RASEF: variants seen among roughly 807,000 people sequenced by gnomAD.
The protein encoded by RASEF is RAS and EF-hand domain containing, also known as ras and EF-hand domain-containing protein.
RASEF carries 68 observed loss-of-function variants against 90.1 expected under a neutral mutation model. That is an observed-to-expected ratio of 0.75 (90% confidence interval 0.62 to 0.92). RASEF has a LOEUF of 0.92. RASEF is among the 40% of genes least tolerant of loss of function. The pLI is 0.00. For missense variants in RASEF, 949 were observed against 937.2 expected (o/e 1.01, Z -0.16); for synonymous variants, 331 against 345.2 (o/e 0.96, Z 0.46).
intron 1 of RASEF, chr9:83,055,784 G>A: frequency 1.6e-6 from 1 of 642,316 alleles, no homozygotes; most frequent in South Asian, 1.8e-5. Flanking sequence ...AAGAATATTT[G>A]GTCTCCTAAA....
At chr9:83,149,956 T>G in the RASEF span, among the ~76,000 whole-genome samples, 12 of 152,172 alleles carry the variant, frequency 7.9e-5, no homozygotes, top group Non-Finnish European at 1.8e-4. Context: ...GTTTAAGGGC[T>G]ATCCCACAAG....
the RASEF span, among the ~76,000 whole-genome samples, chr9:83,206,513 T>C: frequency 6.6e-6 from 1 of 152,246 alleles, no homozygotes; most frequent in South Asian, 2.1e-4. Context: ...CTGTAGCTTT[T>C]ACCTTTCAGA....
At chr9:83,021,850 G>A (rs1371125895) in intron 3 of RASEF, among the ~76,000 whole-genome samples, 1 of 152,118 alleles carries the variant, frequency 6.6e-6, no homozygotes, top group African/African-American at 2.4e-5. Flanking sequence ...CAATCCCCTT[G>A]GGTACCAAGT....
the RASEF span, among the ~76,000 whole-genome samples, chr9:83,075,770 G>A: frequency 2.0e-5 from 3 of 151,926 alleles, no homozygotes; most frequent in Non-Finnish European, 4.4e-5. Flanking sequence ...ATAACATGAA[G>A]AGATGTTAAA....
chr9:83,206,457 G>A, the RASEF span, among the ~76,000 whole-genome samples: 2 of 152,180 alleles, frequency 1.3e-5, no homozygotes, highest in Non-Finnish European at 2.9e-5. Context: ...CATGCTCATG[G>A]AAAATGCCAG....
At chr9:83,146,803 A>G in the RASEF span, among the ~76,000 whole-genome samples, 1 of 152,116 alleles carries the variant, frequency 6.6e-6, no homozygotes, top group African/African-American at 2.4e-5. Flanking sequence ...CTGAAACCTC[A>G]GGAACAAAAT....
chr9:83,059,027 C>G (rs1029093657), intron 1 of RASEF, among the ~76,000 whole-genome samples: 1 of 152,118 alleles, frequency 6.6e-6, no homozygotes, highest in Non-Finnish European at 1.5e-5. Flanking sequence ...CCTTTGGATA[C>G]TTTTGGGATA....
the RASEF span, among the ~76,000 whole-genome samples, chr9:83,072,880 T>G: frequency 6.6e-6 from 1 of 152,222 alleles, no homozygotes; most frequent in Non-Finnish European, 1.5e-5. Flanking sequence ...CTTTGCATCC[T>G]TCAATCAAGT....
intron 1 of RASEF, among the ~76,000 whole-genome samples, chr9:83,040,127 C>A (rs537969580): frequency 6.6e-6 from 1 of 152,292 alleles, no homozygotes; most frequent in South Asian, 2.1e-4. Context: ...CCTCGCCTCC[C>A]AGCCATGTGG....
the RASEF span, among the ~76,000 whole-genome samples, chr9:83,140,282 G>A: frequency 2.6e-5 from 4 of 152,242 alleles, no homozygotes; most frequent in South Asian, 8.3e-4. Context: ...ATACAGGTGG[G>A]GACAGAAACA....
the RASEF span, among the ~76,000 whole-genome samples, chr9:83,095,964 C>T: frequency 2.6e-5 from 4 of 152,270 alleles, no homozygotes; most frequent in African/African-American, 9.6e-5. Context: ...TCCATGCCAG[C>T]ACATGGATTC....
chr9:83,009,795 T>A, intron 5 of RASEF, 39 bp from the exon 6 acceptor site: 3 of 1,294,434 alleles, frequency 2.3e-6, no homozygotes, highest in Non-Finnish European at 3.4e-6. Context: ...AGATTCAGAT[T>A]TTCCTCTGCC....
chr9:83,070,485 C>T, the RASEF span, among the ~76,000 whole-genome samples: 1 of 152,066 alleles, frequency 6.6e-6, no homozygotes, highest in African/African-American at 2.4e-5. Context: ...GACTTTTCAT[C>T]TATTCTTTCA....
At chr9:83,096,901 C>T in the RASEF span, among the ~76,000 whole-genome samples, 8 of 151,368 alleles carry the variant, frequency 5.3e-5, no homozygotes, top group African/African-American at 1.2e-4. Context: ...TTTGTCCTTG[C>T]GATAGTTTGC....
chr9:83,198,496 A>G, the RASEF span, among the ~76,000 whole-genome samples: 3 of 152,220 alleles, frequency 2.0e-5, no homozygotes, highest in East Asian at 5.8e-4. Context: ...TGGATGGCAG[A>G]CCCCAGGGAG....
chr9:83,214,199 A>T, the RASEF span, among the ~76,000 whole-genome samples: 2 of 152,162 alleles, frequency 1.3e-5, no homozygotes, highest in Admixed American at 6.5e-5. Context: ...CAGCCTGGCC[A>T]ACGGGGAAAC....
intron 2 of RASEF, among the ~76,000 whole-genome samples, chr9:83,022,859 TA>T (rs1249759844): frequency 1.1e-4 from 17 of 152,348 alleles, no homozygotes; most frequent in African/African-American, 4.1e-4. Flanking sequence ...TTTATGTATC[TA>T]AACACAGAAT....
chr9:83,155,584 G>C, the RASEF span, among the ~76,000 whole-genome samples: 1 of 152,086 alleles, frequency 6.6e-6, no homozygotes, highest in African/African-American at 2.4e-5. Flanking sequence ...GGAATTATGA[G>C]AGCTACAGTT....
chr9:83,063,175 T>G (rs998367484), upstream of RASEF: 18 of 360,900 alleles, frequency 5.0e-5, no homozygotes, highest in Non-Finnish European at 8.5e-5. Context: ...CTCTCGCCAC[T>G]TTCCCGGCGG....
Sources: allele counts gnomAD v4.1 joint callset (sites outside exome capture counted in the v4.1 genomes callset), GRCh38; gene constraint gnomAD v4.1.1; transcripts MANE v1.5; gene names NCBI Gene and HGNC (gene_info 2026-07-23, HGNC 2026-07-21).